The following TSPAN5 variants were observed in gnomAD, a reference collection of about 807,000 sequenced individuals.
TSPAN5 encodes the protein tetraspanin-5.
In TSPAN5, 10 loss-of-function variants were observed where a neutral mutation model predicts 37.1. The observed-to-expected ratio is 0.27, with a 90% CI of 0.17 to 0.46. TSPAN5 has a LOEUF of 0.46. Among genes scored for constraint, TSPAN5 ranks in the 20% least tolerant of loss-of-function variants. The probability of loss-of-function intolerance (pLI) is 1.00; values close to 1 mark genes in which losing one functional copy is unlikely to be tolerated. For missense variants in TSPAN5, 195 were observed against 326.6 expected, an observed-to-expected ratio of 0.60 and a Z score of 3.11; for synonymous variants, 110 against 118.9, an observed-to-expected ratio of 0.93 and a Z score of 0.48.
At chr4:98,484,973 C>G (rs898372086) in intron 3 of TSPAN5, 1 of 174,280 alleles carries the variant, frequency 5.7e-6, no homozygotes, top group African/African-American at 2.4e-5. Context: ...ATTAGCCAGG[C>G]ACGGTGGTAG....
In TSPAN5 at chr4:98,507,748, G is replaced by A. The variant is rs1422521902; in HGVS notation, c.82-20C>T. ...CAAAAACTGAAAAAGAAAGAAAGCA[G>A]TGTAAATATAAGGGAAAATGCCGCT... On this transcript the variant is annotated intron_variant, in intron 1 of 7. Coordinates refer to ENST00000305798, the MANE Select transcript of TSPAN5 (RefSeq NM_005723.4). 6.3e-7 allele frequency: 1 copy of A among 1,591,498 alleles called. No individual in the cohort carries two copies. Among genetic ancestry groups the A allele is most frequent in the African/African-American group, 1.3e-5 (1 of 74,174 alleles).
chr4:98,624,927 G>A (rs1756561681), intron 1 of TSPAN5, among the ~76,000 whole-genome samples: 2 of 152,194 alleles, frequency 1.3e-5, no homozygotes, highest in Non-Finnish European at 2.9e-5. Context: ...CCTATACAGA[G>A]AGGCATTAAT....
chr4:98,476,551 T>C, intron 5 of TSPAN5, 91 bp from the exon 6 acceptor site: 1 of 1,182,514 alleles, frequency 8.5e-7, no homozygotes, highest in African/African-American at 1.5e-5. Context: ...TACGCATTAG[T>C]AATAAAATGT....
At chr4:98,581,084 C>T (rs1755360520) in intron 1 of TSPAN5, among the ~76,000 whole-genome samples, 1 of 152,192 alleles carries the variant, frequency 6.6e-6, no homozygotes, top group African/African-American at 2.4e-5. Context: ...TCTGTTGGCA[C>T]TGAGAGGCCC....
chr4:98,559,102 A>G (rs1754819719), intron 1 of TSPAN5, among the ~76,000 whole-genome samples: 1 of 151,362 alleles, frequency 6.6e-6, no homozygotes, highest in South Asian at 2.1e-4. Context: ...ATGCAGTAAA[A>G]CACCGTGGGA....
At chr4:98,590,318 C>T (rs1457347512) in intron 1 of TSPAN5, among the ~76,000 whole-genome samples, 1 of 152,130 alleles carries the variant, frequency 6.6e-6, no homozygotes, top group South Asian at 2.1e-4. Flanking sequence ...ATGTGCCAGG[C>T]ACAACACCTA....
intron 2 of TSPAN5, among the ~76,000 whole-genome samples, chr4:98,497,315 T>C (rs1431835212): frequency 4.3e-5 from 3 of 70,208 alleles, no homozygotes; most frequent in Non-Finnish European, 7.8e-5. Context: ...AGACTCCATC[T>C]CAAAAAAAAA....
intron 1 of TSPAN5, among the ~76,000 whole-genome samples, chr4:98,644,433 ATAT>A (rs1185001520): frequency 1.3e-5 from 2 of 152,282 alleles, no homozygotes; most frequent in Non-Finnish European, 2.9e-5. Flanking sequence ...CCGAAAGAAA[ATAT>A]TATTGTAGTA....
intron 1 of TSPAN5, among the ~76,000 whole-genome samples, chr4:98,511,047 A>AG (rs1753594130): frequency 1.3e-5 from 2 of 152,212 alleles, no homozygotes; most frequent in Non-Finnish European, 2.9e-5. Flanking sequence ...TCTGAAACCC[A>AG]GGGAGGCCCA....
chr4:98,639,174 CG>C (rs1167143468), intron 1 of TSPAN5, among the ~76,000 whole-genome samples: 2 of 152,172 alleles, frequency 1.3e-5, no homozygotes, highest in Non-Finnish European at 1.5e-5. Context: ...ACTATCCTTA[CG>C]GGGTTCTTGG....
chr4:98,588,464 A>G (rs975492022), intron 1 of TSPAN5, among the ~76,000 whole-genome samples: 1 of 151,820 alleles, frequency 6.6e-6, no homozygotes, highest in Non-Finnish European at 1.5e-5. Flanking sequence ...ATATTTTAAC[A>G]TTATCACTAT....
chr4:98,570,976 C>T (rs1259815968), intron 1 of TSPAN5, among the ~76,000 whole-genome samples: 2 of 151,364 alleles, frequency 1.3e-5, no homozygotes, highest in Non-Finnish European at 2.9e-5. Flanking sequence ...CGCGCCACTA[C>T]GCTCCAATAT....
At chr4:98,564,089 T>C (rs545827712) in intron 1 of TSPAN5, among the ~76,000 whole-genome samples, 1 of 152,320 alleles carries the variant, frequency 6.6e-6, no homozygotes, top group Non-Finnish European at 1.5e-5. Context: ...GAGACAGTTA[T>C]CACACTATAT....
At chr4:98,639,208 A>G (rs1756915822) in intron 1 of TSPAN5, among the ~76,000 whole-genome samples, 1 of 151,968 alleles carries the variant, frequency 6.6e-6, no homozygotes, top group East Asian at 1.9e-4. Context: ...CTCCACATGA[A>G]CCCCCTGCTA....
chr4:98,626,020 A>G (rs1756591301), intron 1 of TSPAN5, among the ~76,000 whole-genome samples: 1 of 152,240 alleles, frequency 6.6e-6, no homozygotes, highest in Non-Finnish European at 1.5e-5. Context: ...TTATTCACTC[A>G]TTCCTCACTT....
chr4:98,537,757 G>A lies in TSPAN5; in HGVS notation c.82-30029C>T, dbSNP rs1407929353. On this transcript the variant is annotated intron_variant, in intron 1 of 7. Coordinates refer to ENST00000305798, the MANE Select transcript of TSPAN5 (RefSeq NM_005723.4). ...TGGCAAGGGCCTGGCACAGAGGTCT[G>A]CGACAAGCCAAGCTAGGCCATGGCT... Among the ~76,000 whole-genome samples the A allele has an allele frequency of 3.9e-5, 6 of 152,260 alleles. No homozygotes were observed. In the East Asian group the frequency reaches 1.2e-3, roughly 29 times the overall value.
chr4:98,581,674 T>C (rs146292225), intron 1 of TSPAN5, among the ~76,000 whole-genome samples: 5 of 152,360 alleles, frequency 3.3e-5, no homozygotes, highest in African/African-American at 1.2e-4. Flanking sequence ...TTAGTACACA[T>C]TTTGCTGCAC....
chr4:98,594,192 T>A (rs1755712474), intron 1 of TSPAN5, among the ~76,000 whole-genome samples: 1 of 132,526 alleles, frequency 7.5e-6, no homozygotes, highest in Non-Finnish European at 1.5e-5. Context: ...TTTTATTCTC[T>A]TTGAAGTAAT....
At chr4:98,537,269 C>T (rs1754257715) in intron 1 of TSPAN5, among the ~76,000 whole-genome samples, 1 of 152,202 alleles carries the variant, frequency 6.6e-6, no homozygotes. Context: ...CTTGCGCTTC[C>T]CGGGTGAGGT....
Sources: allele counts gnomAD v4.1 joint callset (sites outside exome capture counted in the v4.1 genomes callset), GRCh38; gene constraint gnomAD v4.1.1; transcripts MANE v1.5; gene names NCBI Gene and HGNC (gene_info 2026-07-23, HGNC 2026-07-21).